NRXN3: variants seen among roughly 807,000 people sequenced by gnomAD.
NRXN3 encodes neurexin III.
A neutral mutation model predicts 137.6 loss-of-function variants in NRXN3; 32 were observed. That is an observed-to-expected ratio of 0.23 (90% CI 0.18 to 0.31). NRXN3 has a LOEUF of 0.31. Among genes scored for constraint, NRXN3 ranks in the 10% least tolerant of loss-of-function variants. NRXN3 has a pLI of 1.00. For missense variants in NRXN3, 1,574 were observed against 2,062.5 expected, an observed-to-expected ratio of 0.76 and a Z score of 4.59; for synonymous variants, 798 against 784.5, an observed-to-expected ratio of 1.02 and a Z score of -0.29.
chr14:78,945,573 A>G (rs1434749802), intron 10 of NRXN3, among the ~76,000 whole-genome samples: 3 of 152,160 alleles, frequency 2.0e-5, no homozygotes, highest in Non-Finnish European at 2.9e-5. Flanking sequence ...GAGGCTACCC[A>G]GGTTTAGTTC....
In NRXN3 at chr14:79,867,597, A is replaced by G. The variant is rs2099418544; in HGVS notation, c.*5633A>G. ...CTTCCTAAAGACACTACCTCCCAAT[A>G]CAGTCATGTTTGGGGTTGGGACTTC... On this transcript the variant is annotated 3_prime_UTR_variant, in exon 21 of 21. Transcript: ENST00000335750. 6.6e-6 allele frequency: 1 copy of G among 152,164 alleles called. No homozygotes were observed. The highest frequency in any genetic ancestry group is 1.5e-5 in the Non-Finnish European group (1 of 68,048). The allele number at this position is 152,164 out of a possible 1,614,324, so 9.4% of individuals were successfully genotyped here.
chr14:78,391,364 A>T (rs1199462295), intron 4 of NRXN3, among the ~76,000 whole-genome samples: 15 of 151,556 alleles, frequency 9.9e-5, no homozygotes, highest in Non-Finnish European at 1.5e-5. Context: ...AAGTTCCTTC[A>T]TGACCTTTTT....
chr14:79,738,229 G>A (rs750599065), intron 19 of NRXN3, among the ~76,000 whole-genome samples: 20 of 151,856 alleles, frequency 1.3e-4, no homozygotes, highest in Non-Finnish European at 2.5e-4. Flanking sequence ...CTTGAGATGA[G>A]GAAATAATCC....
chr14:78,215,548 C>A (rs1263152845), intron 1 of NRXN3, among the ~76,000 whole-genome samples: 1 of 152,038 alleles, frequency 6.6e-6, no homozygotes, highest in African/African-American at 2.4e-5. Context: ...AACTTTCTGG[C>A]ATTCAGAATG....
chr14:78,514,798 G>A (rs1420116217), intron 4 of NRXN3, among the ~76,000 whole-genome samples: 1 of 152,108 alleles, frequency 6.6e-6, no homozygotes, highest in Non-Finnish European at 1.5e-5. Flanking sequence ...ATTGTAGAGA[G>A]GAAAATCAGG....
At chr14:79,828,134 G>A (rs964586319) in intron 20 of NRXN3, among the ~76,000 whole-genome samples, 3 of 152,110 alleles carry the variant, frequency 2.0e-5, no homozygotes, top group African/African-American at 7.2e-5. Flanking sequence ...AGAGATTCAG[G>A]CAGAGACAAA....
intron 10 of NRXN3, among the ~76,000 whole-genome samples, chr14:78,842,145 G>A (rs910734070): frequency 3.9e-5 from 6 of 152,012 alleles, no homozygotes; most frequent in East Asian, 1.9e-4. Context: ...AGTTCATCCC[G>A]AGGAGATTGG....
At chr14:79,151,121 G>C (rs2059761340) in intron 15 of NRXN3, among the ~76,000 whole-genome samples, 1 of 151,980 alleles carries the variant, frequency 6.6e-6, no homozygotes, top group African/African-American at 2.4e-5. Context: ...TCACAAAGGG[G>C]TGAACTGGGG....
In NRXN3 at chr14:78,745,148, A is replaced by T. The variant is rs538781372; in HGVS notation, c.2044+30009A>T. The T allele has an allele frequency of 2.0e-5, 3 of 152,362 alleles. No homozygotes were observed. In the East Asian group the frequency reaches 5.8e-4, roughly 29 times the overall value. 9.4% of individuals were successfully genotyped at this position (152,362 alleles called of 1,614,324 possible). A position where few individuals can be genotyped will look rare whatever the true frequency, so the allele number is the denominator to read the frequency against. On this transcript the variant is annotated intron_variant, in intron 8 of 20. Transcript: ENST00000335750. ...CTTTTCCTTTTTGTAGAGAAGCTAAATTATAATCAGAAAGTTGTTTTGGTG... is the reference window on the plus strand; with the variant it reads ...CTTTTCCTTTTTGTAGAGAAGCTAATTTATAATCAGAAAGTTGTTTTGGTG...
At chr14:78,595,424 C>T (rs1403504011) in intron 4 of NRXN3, among the ~76,000 whole-genome samples, 2 of 152,166 alleles carry the variant, frequency 1.3e-5, no homozygotes, top group Non-Finnish European at 2.9e-5. Flanking sequence ...GCCTCCTTTC[C>T]CCAGGCACAC....
At chr14:78,563,914 C>T (rs1239671091) in intron 4 of NRXN3, among the ~76,000 whole-genome samples, 1 of 152,168 alleles carries the variant, frequency 6.6e-6, no homozygotes, top group Non-Finnish European at 1.5e-5. Flanking sequence ...GAAGATGTTT[C>T]CATTCTGTGA....
intron 16 of NRXN3, among the ~76,000 whole-genome samples, chr14:79,629,420 A>G (rs1324812565): frequency 6.6e-6 from 1 of 152,210 alleles, no homozygotes; most frequent in African/African-American, 2.4e-5. Context: ...GCATCATCAC[A>G]GGACTGTTAA....
At chr14:78,354,807 A>G (rs1283470119) in intron 4 of NRXN3, among the ~76,000 whole-genome samples, 1 of 152,240 alleles carries the variant, frequency 6.6e-6, no homozygotes, top group African/African-American at 2.4e-5. Context: ...TGAAGGAACA[A>G]GGACTAGAAA....
intron 20 of NRXN3, among the ~76,000 whole-genome samples, chr14:79,835,295 A>G (rs929303149): frequency 3.3e-5 from 5 of 152,124 alleles, no homozygotes; most frequent in Admixed American, 6.6e-5. Context: ...ATAAATATGT[A>G]CAATTTTTAT....
At chr14:78,191,329 G>A (rs8018430) in intron 1 of NRXN3, among the ~76,000 whole-genome samples, 62,815 of 151,960 alleles carry the variant, frequency 0.41, 13,376 homozygotes, top group Middle Eastern at 0.5. Flanking sequence ...TGGTGGCTGA[G>A]AGAGGTTTTA....
intron 4 of NRXN3, among the ~76,000 whole-genome samples, chr14:78,504,898 T>C (rs1164824343): frequency 6.6e-6 from 1 of 152,068 alleles, no homozygotes; most frequent in East Asian, 1.9e-4. Context: ...GGCCATTCCA[T>C]CCGGGCCCGA....
intron 15 of NRXN3, among the ~76,000 whole-genome samples, chr14:79,244,912 C>T (rs867902067): frequency 9.2e-5 from 14 of 152,088 alleles, no homozygotes; most frequent in Admixed American, 2.0e-4. Flanking sequence ...TTCAGTGTTT[C>T]GCTCTATTTT....
At chr14:78,324,583 C>T (rs892131632) in intron 4 of NRXN3, among the ~76,000 whole-genome samples, 9 of 152,048 alleles carry the variant, frequency 5.9e-5, no homozygotes, top group African/African-American at 2.2e-4. Context: ...TTTACAGAGA[C>T]AGTTAAACAG....
intron 10 of NRXN3, among the ~76,000 whole-genome samples, chr14:78,826,233 A>G (rs1336853731): frequency 6.6e-6 from 1 of 152,072 alleles, no homozygotes; most frequent in East Asian, 1.9e-4. Flanking sequence ...TTCTTTCTCA[A>G]TTTTTTAGTT....
Sources: gnomAD v4.1 joint callset for allele counts (sites outside exome capture counted in the v4.1 genomes callset) on GRCh38, gnomAD v4.1.1 for gene constraint, MANE v1.5 for transcripts, NCBI Gene and HGNC (gene_info 2026-07-23, HGNC 2026-07-21) for gene names.